Variants in LARS2 observed in about 807,000 individuals in gnomAD.
LARS2 encodes leucyl-tRNA synthetase 2, mitochondrial, also known as leucine--tRNA ligase, mitochondrial.
LARS2 carries 81 observed loss-of-function variants against 116.6 expected under a neutral mutation model. The ratio of observed to expected loss-of-function variants is 0.69; its 90% CI spans 0.58 to 0.84. The LOEUF is 0.84. LARS2 is among the 40% of genes least tolerant of loss of function. The probability of loss-of-function intolerance (pLI) is 0.00; values close to 1 mark genes in which losing one functional copy is unlikely to be tolerated. For synonymous variants in LARS2, 396 were observed against 407.2 expected (o/e 0.97, Z 0.33); for missense variants, 968 against 1,114.5 (o/e 0.87, Z 1.87).
chr3:45,541,353 G>A (rs370662954), intron 20 of LARS2, among the ~76,000 whole-genome samples: 4 of 152,098 alleles, frequency 2.6e-5, no homozygotes, highest in African/African-American at 9.7e-5. Context: ...CCCCCTGCAC[G>A]TGGTGAGGAG....
At chr3:45,467,980 C>T (rs1575273685) in intron 8 of LARS2, among the ~76,000 whole-genome samples, 2 of 151,998 alleles carry the variant, frequency 1.3e-5, no homozygotes, top group South Asian at 4.2e-4. Flanking sequence ...CACCTACAGT[C>T]CCAGCTACTC....
chr3:45,494,866 G>C (rs539762511), intron 13 of LARS2, among the ~76,000 whole-genome samples: 3 of 152,138 alleles, frequency 2.0e-5, no homozygotes, highest in Non-Finnish European at 1.5e-5. Context: ...TCAAGAGTTC[G>C]AGACCAGCCT....
intron 5 of LARS2, 99 bp downstream of exon 5, chr3:45,417,672 A>G (rs1698452474): frequency 1.4e-6 from 1 of 700,828 alleles, no homozygotes; most frequent in Non-Finnish European, 2.6e-6. Flanking sequence ...CAAACAAAAC[A>G]CTGCAGCGTA....
At chr3:45,429,889 A>G (rs1278946949) in intron 6 of LARS2, among the ~76,000 whole-genome samples, 2 of 147,426 alleles carry the variant, frequency 1.4e-5, no homozygotes, top group East Asian at 2.1e-4. Context: ...TTTTTTGGAG[A>G]TGGGGTTTTG....
At chr3:45,389,327 A>G (rs552952652) in intron 1 of LARS2, among the ~76,000 whole-genome samples, 18 of 152,008 alleles carry the variant, frequency 1.2e-4, no homozygotes, top group Non-Finnish European at 2.4e-4. Flanking sequence ...AACTTAGATC[A>G]TCCCACACAC....
chr3:45,411,563 C>T (rs964415958), intron 4 of LARS2, among the ~76,000 whole-genome samples: 1 of 152,166 alleles, frequency 6.6e-6, no homozygotes, highest in Admixed American at 6.5e-5. Flanking sequence ...TCCCACCAGC[C>T]TGACTGAACT....
intron 6 of LARS2, among the ~76,000 whole-genome samples, chr3:45,434,776 A>T (rs1478571785): frequency 6.6e-6 from 1 of 152,066 alleles, no homozygotes; most frequent in Admixed American, 6.5e-5. Flanking sequence ...CCAGGTGGAT[A>T]TGGAGTCCGG....
At chr3:45,470,329 A>G (rs1456646011) in intron 8 of LARS2, among the ~76,000 whole-genome samples, 1 of 152,088 alleles carries the variant, frequency 6.6e-6, no homozygotes, top group Non-Finnish European at 1.5e-5. Context: ...TTTAGTTTTA[A>G]TGTTTCTCTC....
At chr3:45,538,122 G>T (rs1040038523) in intron 20 of LARS2, among the ~76,000 whole-genome samples, 1 of 152,194 alleles carries the variant, frequency 6.6e-6, no homozygotes, top group Admixed American at 6.5e-5. Context: ...GCAAGGAGGC[G>T]AAAACGCTAC....
At chr3:45,525,170 T>C (rs1056503454) in intron 20 of LARS2, among the ~76,000 whole-genome samples, 2 of 152,210 alleles carry the variant, frequency 1.3e-5, no homozygotes, top group Non-Finnish European at 2.9e-5. Context: ...ATGAGACTTA[T>C]TTTTCCAGGG....
intron 4 of LARS2, among the ~76,000 whole-genome samples, chr3:45,413,153 G>C (rs1404414389): frequency 2.6e-5 from 4 of 152,204 alleles, no homozygotes; most frequent in African/African-American, 9.7e-5. Flanking sequence ...TTCTGCAGAG[G>C]CTTGTTAGAA....
chr3:45,488,756 T>A lies in LARS2; in HGVS notation c.1183T>A (p.Ser395Thr), dbSNP rs770208079. The A allele has an allele frequency of 1.2e-6, 2 of 1,614,038 alleles. No homozygotes were observed. The highest frequency in any genetic ancestry group is 4.5e-5 in the East Asian group (2 of 44,886). The change falls in exon 12 of 22, where the codon TCT (serine) becomes ACT (threonine). Residue 395 changes from serine to threonine, a missense_variant. Coordinates refer to ENST00000645846, the MANE Select transcript of LARS2 (RefSeq NM_015340.4). ...AGCCCAAACCCTGGGCCTGGCCTAC[T>A]CTGAAGTCATTGAAACTTTGCCAGA... ...ILAQTLGLAY[S>T]EVIETLPDGT...
At chr3:45,512,336 T>C (rs1292465179) in intron 15 of LARS2, among the ~76,000 whole-genome samples, 2 of 152,220 alleles carry the variant, frequency 1.3e-5, no homozygotes, top group African/African-American at 4.8e-5. Context: ...CTTGCTGAAA[T>C]GCCTCAAAAT....
chr3:45,520,070 A>G, intron 18 of LARS2, 149 bp from the exon 19 acceptor site: 1 of 622,126 alleles, frequency 1.6e-6, no homozygotes, highest in Non-Finnish European at 2.9e-6. Flanking sequence ...TGTAGATGAA[A>G]CATAGCGATT....
intron 15 of LARS2, among the ~76,000 whole-genome samples, chr3:45,509,947 C>G (rs550720709): frequency 6.6e-6 from 1 of 152,130 alleles, no homozygotes; most frequent in Non-Finnish European, 1.5e-5. Context: ...CAGTGCCCCA[C>G]TTCACTCATT....
intron 6 of LARS2, among the ~76,000 whole-genome samples, chr3:45,445,763 A>G (rs77282346): frequency 0.021 from 3,257 of 152,312 alleles, 82 homozygotes; most frequent in African/African-American, 0.07. Flanking sequence ...GGAGTCTTAC[A>G]TAAGAAAAAT....
At chr3:45,515,811 AG>A (rs1292524392) in intron 16 of LARS2, among the ~76,000 whole-genome samples, 3 of 152,242 alleles carry the variant, frequency 2.0e-5, no homozygotes, top group Non-Finnish European at 4.4e-5. Context: ...TCACTTGTAA[AG>A]GGGGAAATTG....
At chr3:45,527,271 A>G (rs1700543740) in intron 20 of LARS2, among the ~76,000 whole-genome samples, 1 of 152,108 alleles carries the variant, frequency 6.6e-6, no homozygotes, top group African/African-American at 2.4e-5. Flanking sequence ...GGAAGTGAGG[A>G]TTTGCTCTGG....
intron 6 of LARS2, among the ~76,000 whole-genome samples, chr3:45,420,478 C>CA (rs1698497263): frequency 6.6e-6 from 1 of 152,238 alleles, no homozygotes; most frequent in East Asian, 1.9e-4. Flanking sequence ...CTGGGCCTGT[C>CA]AAGTTTATAT....
Sources: gnomAD v4.1 joint callset for allele counts (sites outside exome capture counted in the v4.1 genomes callset) on GRCh38, gnomAD v4.1.1 for gene constraint, MANE v1.5 for transcripts, NCBI Gene and HGNC (gene_info 2026-07-23, HGNC 2026-07-21) for gene names.